The following MEIS1 variants were observed in gnomAD, a reference collection of about 807,000 sequenced individuals.
The protein encoded by MEIS1 is homeobox protein Meis1.
A neutral mutation model predicts 50.8 loss-of-function variants in MEIS1; 5 were observed. That is an observed-to-expected ratio of 0.10 (90% CI 0.05 to 0.21). The LOEUF is 0.21. Among genes scored for constraint, MEIS1 ranks in the 10% least tolerant of loss-of-function variants. The pLI is 1.00. For synonymous variants in MEIS1, 176 were observed against 179.3 expected (o/e 0.98, Z 0.15); for missense variants, 318 against 517.3 (o/e 0.61, Z 3.74).
At chr2:66,461,880 G>T (rs189246047) in intron 6 of MEIS1, 78 of 470,610 alleles carry the variant, frequency 1.7e-4, no homozygotes, top group Non-Finnish European at 1.0e-4. Context: ...AAATGGTGAT[G>T]AAAAAAGGTA....
chr2:66,496,516 A>G (rs942643946), intron 7 of MEIS1, among the ~76,000 whole-genome samples: 5 of 152,128 alleles, frequency 3.3e-5, no homozygotes, highest in African/African-American at 4.8e-5. Context: ...TAACTTTTCT[A>G]TTAGCAGAAT....
chr2:66,527,406 T>A (rs767802485), intron 8 of MEIS1, among the ~76,000 whole-genome samples: 3 of 152,170 alleles, frequency 2.0e-5, no homozygotes, highest in Non-Finnish European at 4.4e-5. Flanking sequence ...CATACACAGT[T>A]GACTAGAACT....
In MEIS1 at chr2:66,439,826, G is replaced by A. The variant is rs1372537912; in HGVS notation, c.240-17G>A. The A allele has an allele frequency of 1.2e-6, 2 of 1,611,352 alleles. No homozygotes were observed. The highest frequency in any genetic ancestry group is 4.5e-5 in the East Asian group (2 of 44,796). On this transcript the variant is annotated splice_polypyrimidine_tract_variant and intron_variant, in intron 2 of 12. Coordinates refer to ENST00000272369, the MANE Select transcript of MEIS1 (RefSeq NM_002398.3). ...ACTAACCATTATGTTGTTTGTGACTGTTGTATTTTCTTGCAGACACCCCCT... is the reference window on the plus strand; with the variant it reads ...ACTAACCATTATGTTGTTTGTGACTATTGTATTTTCTTGCAGACACCCCCT...
chr2:66,474,441 A>G (rs72895119), intron 7 of MEIS1, among the ~76,000 whole-genome samples: 9,291 of 152,148 alleles, frequency 0.061, 950 homozygotes, highest in African/African-American at 0.21. Flanking sequence ...TGTGATATTT[A>G]GCTCTCCCCC....
intron 8 of MEIS1, among the ~76,000 whole-genome samples, chr2:66,526,746 G>A (rs1230293997): frequency 6.6e-6 from 1 of 152,056 alleles, no homozygotes; most frequent in Non-Finnish European, 1.5e-5. Context: ...TAAAATAAAG[G>A]CATTGCTTAA....
chr2:66,438,292 A>G (rs1671851936), intron 2 of MEIS1, among the ~76,000 whole-genome samples: 1 of 152,194 alleles, frequency 6.6e-6, no homozygotes, highest in African/African-American at 2.4e-5. Flanking sequence ...ATTTCGCCCG[A>G]GAGCGTTAGG....
intron 1 of MEIS1, among the ~76,000 whole-genome samples, chr2:66,436,659 C>G (rs1671803486): frequency 6.6e-6 from 1 of 152,210 alleles, no homozygotes; most frequent in Non-Finnish European, 1.5e-5. Flanking sequence ...TTCTTTACTC[C>G]TTTGGTTCAG....
chr2:66,547,527 C>T (rs1674819790), intron 8 of MEIS1, among the ~76,000 whole-genome samples: 1 of 152,128 alleles, frequency 6.6e-6, no homozygotes, highest in Non-Finnish European at 1.5e-5. Context: ...ATGTGGACCT[C>T]AGCTGAGATT....
intron 7 of MEIS1, among the ~76,000 whole-genome samples, chr2:66,467,025 A>T (rs1385828146): frequency 1.3e-5 from 2 of 152,206 alleles, no homozygotes; most frequent in African/African-American, 4.8e-5. Context: ...CCTCTGTTAA[A>T]TAACCTTATC....
intron 5 of MEIS1, among the ~76,000 whole-genome samples, chr2:66,442,265 T>C (rs1205558419): frequency 9.3e-6 from 1 of 107,846 alleles, no homozygotes; most frequent in Non-Finnish European, 2.2e-5. Flanking sequence ...TCCTTCTCCT[T>C]TTTGTAAAAA....
chr2:66,558,220 T>C (rs543003122), intron 9 of MEIS1, among the ~76,000 whole-genome samples: 1 of 132,850 alleles, frequency 7.5e-6, no homozygotes, highest in East Asian at 2.3e-4. Context: ...CAGAGGTTGC[T>C]GTGAGCCGAG....
At chr2:66,521,885 T>C (rs999118518) in intron 8 of MEIS1, among the ~76,000 whole-genome samples, 1 of 152,214 alleles carries the variant, frequency 6.6e-6, no homozygotes. Flanking sequence ...ATACCTTTAA[T>C]TACCAGTGGC....
chr2:66,525,872 C>T (rs1479621361), intron 8 of MEIS1, among the ~76,000 whole-genome samples: 1 of 152,226 alleles, frequency 6.6e-6, no homozygotes, highest in African/African-American at 2.4e-5. Context: ...GTGTGTGTGG[C>T]ATGCTAGCTC....
chr2:66,442,965 A>G lies in MEIS1; in HGVS notation c.547A>G (p.Ile183Val). Reference protein sequence around the residue: ...YISCLKGKMPIDLVIDDREGG... With the variant: ...YISCLKGKMPVDLVIDDREGG... ...TAGCTGTTTGAAAGGGAAAATGCCT[A>G]TCGATTTGGTGATAGACGATAGAGA... The change falls in exon 6 of 13, where the codon ATC becomes GTC. Residue 183 changes from isoleucine (I) to valine (V), a missense_variant. By Grantham distance (29) the Ile-to-Val change is conservative. This residue lies in a region of MEIS1 where 75 missense variants were observed against 153.7 expected (regional missense o/e 0.49). Transcript: ENST00000272369. The G allele has an allele frequency of 6.2e-7, 1 of 1,605,090 alleles. No homozygotes were observed. The highest frequency in any genetic ancestry group is 8.5e-7 in the Non-Finnish European group (1 of 1,177,148).
intron 7 of MEIS1, among the ~76,000 whole-genome samples, chr2:66,508,459 G>C (rs1673738109): frequency 1.3e-5 from 2 of 152,166 alleles, no homozygotes; most frequent in Non-Finnish European, 2.9e-5. Flanking sequence ...CTTCAATGAG[G>C]GGGAAAAAAG....
chr2:66,541,843 G>A (rs17625724), intron 8 of MEIS1, among the ~76,000 whole-genome samples: 35,481 of 152,100 alleles, frequency 0.23, 5,116 homozygotes, highest in Non-Finnish European at 0.33. Context: ...GCGACTGCAC[G>A]GTGCACTGCT....
rs201596768 is a variant in MEIS1, at chr2:66,464,104, C to G, written c.631-5C>G. The G allele has an allele frequency of 1.5e-4, 237 of 1,586,770 alleles. No homozygotes were observed. The highest frequency in any genetic ancestry group is 5.0e-4 in the Middle Eastern group (3 of 6,014). Reference sequence around the variant, plus strand: ...TATTTGGGTTTCTGATTTGTGCCCCCACAGCCCTCTTGGAACAGAGATCAT... The same window carrying G: ...TATTTGGGTTTCTGATTTGTGCCCCGACAGCCCTCTTGGAACAGAGATCAT... On this transcript the variant is annotated splice_polypyrimidine_tract_variant and splice_region_variant and intron_variant, in intron 6 of 12. Transcript: ENST00000272369.
intron 7 of MEIS1, among the ~76,000 whole-genome samples, chr2:66,502,074 T>C (rs1417425705): frequency 6.6e-6 from 1 of 152,244 alleles, no homozygotes; most frequent in Non-Finnish European, 1.5e-5. Flanking sequence ...CCCTGACTTA[T>C]AAATACTCAA....
intron 6 of MEIS1, among the ~76,000 whole-genome samples, chr2:66,444,591 G>A (rs1383038790): frequency 1.3e-5 from 2 of 152,210 alleles, no homozygotes; most frequent in Non-Finnish European, 2.9e-5. Context: ...CACAGAACAC[G>A]CAGCGTGCGC....
Sources: gnomAD v4.1 joint callset for allele counts (sites outside exome capture counted in the v4.1 genomes callset) on GRCh38, gnomAD v4.1.1 for gene constraint, gnomAD v4.1.1 regional missense constraint, MANE v1.5 for transcripts, NCBI Gene and HGNC (gene_info 2026-07-23, HGNC 2026-07-21) for gene names.